The following ANAPC5 variants were observed in gnomAD, a reference collection of about 807,000 sequenced individuals.
ANAPC5 encodes anaphase promoting complex subunit 5.
In ANAPC5, 60 loss-of-function variants were observed where a neutral mutation model predicts 91.3. The observed-to-expected ratio is 0.66, with a 90% CI of 0.53 to 0.81. The LOEUF (loss-of-function observed/expected upper bound fraction) is 0.81, where lower values mean the gene tolerates loss of function less well. ANAPC5 is among the 40% of genes least tolerant of loss of function. ANAPC5 has a pLI of 0.00. For synonymous variants in ANAPC5, 340 were observed against 364.1 expected, an observed-to-expected ratio of 0.93 and a Z score of 0.75; for missense variants, 690 against 931.5, an observed-to-expected ratio of 0.74 and a Z score of 3.37.
intron 9 of ANAPC5, among the ~76,000 whole-genome samples, chr12:121,330,009 T>G (rs1555272727): frequency 6.6e-6 from 1 of 152,230 alleles, no homozygotes; most frequent in Non-Finnish European, 1.5e-5. Flanking sequence ...CAAATCTGCC[T>G]GTCAGGTTTA....
At chr12:121,314,373 T>C (rs970571663) in intron 15 of ANAPC5, among the ~76,000 whole-genome samples, 5 of 152,030 alleles carry the variant, frequency 3.3e-5, no homozygotes, top group African/African-American at 1.2e-4. Flanking sequence ...ACTGCACCAC[T>C]GCATTCCAGC....
chr12:121,347,303 G>A, intron 2 of ANAPC5: 1 of 345,016 alleles, frequency 2.9e-6, no homozygotes. Flanking sequence ...ATAAAATTTG[G>A]GGAAAAAAGC....
At position 121,308,621 on chromosome 12, in the gene ANAPC5, G is replaced by A. The variant is rs369366104; in HGVS notation, c.2127C>T (p.Arg709=). Residue 709 remains arginine (R), a synonymous_variant, in exon 17 of 17, where the codon CGC becomes CGT. Coordinates refer to ENST00000261819, the MANE Select transcript of ANAPC5 (RefSeq NM_016237.5). The part of the protein sequence containing the change: ...NYFAKVDCKE[R]IRDVVYFQAR... Reference sequence around the variant, plus strand: ...CCTGGAAGTAAACGACGTCCCTGATGCGCTCTTTGCAGTCAACCTTTGCAA... The same window carrying A: ...CCTGGAAGTAAACGACGTCCCTGATACGCTCTTTGCAGTCAACCTTTGCAA... 23 of 1,614,012 alleles carry A rather than the reference G, an allele frequency of 1.4e-5. No individual in the cohort carries two copies. Among genetic ancestry groups the A allele is most frequent in the Non-Finnish European group, 1.9e-5 (23 of 1,180,006 alleles).
intron 5 of ANAPC5, among the ~76,000 whole-genome samples, chr12:121,339,408 G>A (rs1439977001): frequency 6.6e-6 from 1 of 152,114 alleles, no homozygotes; most frequent in African/African-American, 2.4e-5. Flanking sequence ...CATATTTATT[G>A]TAAATACTTT....
rs1903510852 is a variant in ANAPC5 at position 121,342,821 on chromosome 12, T to C, written c.591-752A>G. 6.6e-6 allele frequency among the ~76,000 whole-genome samples: 1 copy of C among 152,162 alleles called. No individual in the cohort carries two copies. Among genetic ancestry groups the C allele is most frequent in the Non-Finnish European group, 1.5e-5 (1 of 68,036 alleles). On this transcript the variant is annotated intron_variant, in intron 4 of 16. Coordinates refer to ENST00000261819, the MANE Select transcript of ANAPC5 (RefSeq NM_016237.5). The surrounding 1 kb of genome is among the most constrained non-coding windows in gnomAD (Gnocchi z 4.1). ...TTGCAGCGAGCCAAGATCACGCCAC[T>C]GCACTCCAGCCTGGCGGCAGAGCGA...
chr12:121,352,427 C>G (rs782213818), upstream of ANAPC5: 1 of 1,070,908 alleles, frequency 9.3e-7, no homozygotes, highest in Non-Finnish European at 1.4e-6. Context: ...TACATCTCCG[C>G]CCGCCCTCAC....
chr12:121,321,951 T>C (rs1902630175), intron 11 of ANAPC5, among the ~76,000 whole-genome samples: 1 of 146,750 alleles, frequency 6.8e-6, no homozygotes, highest in South Asian at 2.3e-4. Context: ...CTGCAACCTC[T>C]GCCTCCCGCG....
Position 121,318,586 on chromosome 12 carries a change from G to C in ANAPC5, c.1660C>G (p.Gln554Glu), listed in dbSNP as rs1902464440. ...VYRKAVVLQAQNQMSEAHKLL... is the reference protein window; with the variant it reads ...VYRKAVVLQAENQMSEAHKLL... ...TTATGTGCCTCTGACATTTGGTTCTGAGCTTGTAATACAACCGCTTTCCTG... is the reference window on the plus strand; with the variant it reads ...TTATGTGCCTCTGACATTTGGTTCTCAGCTTGTAATACAACCGCTTTCCTG... Residue 554 changes from glutamine (Q) to glutamate (E), a missense_variant, in exon 14 of 17, where the codon CAG becomes GAG. Around this residue, in one of 5 missense-constraint regions of ANAPC5, gnomAD observed 317 missense variants for 438.7 expected, o/e 0.72. Coordinates refer to ENST00000261819, the MANE Select transcript of ANAPC5 (RefSeq NM_016237.5). The C allele has an allele frequency of 3.7e-6, 6 of 1,614,108 alleles. No homozygotes were observed. The highest frequency in any genetic ancestry group is 5.1e-6 in the Non-Finnish European group (6 of 1,180,010).
At chr12:121,339,880 T>G (rs1448376325) in intron 5 of ANAPC5, among the ~76,000 whole-genome samples, 2 of 149,732 alleles carry the variant, frequency 1.3e-5, no homozygotes, top group Non-Finnish European at 3.0e-5. Flanking sequence ...TTTTTTTTTT[T>G]TTTTTTTTTT....
At chr12:121,327,313 G>A in intron 10 of ANAPC5, 82 bp from the exon 11 acceptor site, 2 of 1,549,558 alleles carry the variant, frequency 1.3e-6, no homozygotes, top group South Asian at 1.2e-5. Context: ...TATCTTGAGT[G>A]GAGGCGTAAA....
At chr12:121,349,378 T>C (rs982579705) in intron 1 of ANAPC5, among the ~76,000 whole-genome samples, 50 of 151,946 alleles carry the variant, frequency 3.3e-4, no homozygotes, top group African/African-American at 7.2e-4. Flanking sequence ...CTGAGCAACA[T>C]AGGGAGACTA....
chr12:121,352,693 GT>G (rs1409558543), upstream of ANAPC5, among the ~76,000 whole-genome samples: 1 of 151,520 alleles, frequency 6.6e-6, no homozygotes, highest in African/African-American at 2.4e-5. Context: ...TCCCAAAGTG[GT>G]TTTTTTGTTG....
At chr12:121,352,553 G>T, upstream of ANAPC5, 2 of 527,030 alleles carry the variant, frequency 3.8e-6, no homozygotes, top group Non-Finnish European at 6.7e-6. Flanking sequence ...GTGCGGGGAG[G>T]GGTGCACCAA....
Position 121,308,656 on chromosome 12 carries a change from T to C in ANAPC5, c.2092A>G (p.Lys698Glu). 4 of 1,614,148 alleles carry C rather than the reference T, an allele frequency of 2.5e-6. No individual in the cohort carries two copies. The highest frequency in any genetic ancestry group is 3.3e-4 in the Middle Eastern group (2 of 6,062). The change falls in exon 17 of 17, where the codon AAG (lysine) becomes GAG (glutamate). Residue 698 changes from lysine to glutamate, a missense_variant. Physicochemically the swap from Lys to Glu is moderately conservative, Grantham distance 56. Transcript: ENST00000261819. ...EAAIENLNEAKNYFAKVDCKE... is the reference protein window; with the variant it reads ...EAAIENLNEAENYFAKVDCKE... Reference sequence around the variant, plus strand: ...CAGTCAACCTTTGCAAAATAGTTCTTGGCTTCATTGAGGTTCTCGATGGCA... The same window carrying C: ...CAGTCAACCTTTGCAAAATAGTTCTCGGCTTCATTGAGGTTCTCGATGGCA...
At chr12:121,323,403 C>A (rs1902695802) in intron 11 of ANAPC5, among the ~76,000 whole-genome samples, 1 of 151,930 alleles carries the variant, frequency 6.6e-6, no homozygotes, top group Admixed American at 6.6e-5. Context: ...CAGCTCATTG[C>A]AACCTCTACC....
Position 121,352,098 on chromosome 12 carries a change from T to C in ANAPC5, c.207+36A>G, listed in dbSNP as rs368001928. The C allele has an allele frequency of 2.2e-5, 34 of 1,568,390 alleles. No individual in the cohort carries two copies. In the East Asian group the frequency reaches 4.3e-4, roughly 20 times the overall value. On this transcript the variant is annotated intron_variant, in intron 1 of 16. Transcript: ENST00000261819. Reference sequence around the variant, plus strand: ...CACAGAGCAGATGCTCAGTAAAAGTTTGCTGCACGAGCAGGAGCCAGCGGG... The same window carrying C: ...CACAGAGCAGATGCTCAGTAAAAGTCTGCTGCACGAGCAGGAGCCAGCGGG...
intron 16 of ANAPC5, 107 bp from the exon 17 acceptor site, chr12:121,308,798 T>C (rs963201366): frequency 5.4e-6 from 5 of 933,612 alleles, no homozygotes; most frequent in Non-Finnish European, 8.5e-6. Context: ...AGAAGATTCT[T>C]TTATATTCTC....
rs1363622180 is a variant in ANAPC5 at position 121,352,172 on chromosome 12, G to T, written c.169C>A (p.Arg57=). ...TGEGAVSLME[R]RRLNQLLLPL... Reference sequence around the variant, plus strand: ...AGGAGCAGCTGGTTGAGCCTCCGCCGCTCCATGAGGCTGACGGCGCCCTCG... The same window carrying T: ...AGGAGCAGCTGGTTGAGCCTCCGCCTCTCCATGAGGCTGACGGCGCCCTCG... The change falls in exon 1 of 17, where the codon CGG becomes AGG. Residue 57 remains arginine (R), a synonymous_variant. Coordinates refer to ENST00000261819, the MANE Select transcript of ANAPC5 (RefSeq NM_016237.5). 6.2e-7 allele frequency: 1 copy of T among 1,612,338 alleles called. No homozygotes were observed. The highest frequency in any genetic ancestry group is 8.5e-7 in the Non-Finnish European group (1 of 1,178,810).
intron 6 of ANAPC5, among the ~76,000 whole-genome samples, chr12:121,336,161 T>C (rs1903228662): frequency 6.6e-6 from 1 of 152,232 alleles, no homozygotes; most frequent in Non-Finnish European, 1.5e-5. Context: ...ACTAAGTTAA[T>C]TATTTTCATT....
Sources: allele counts gnomAD v4.1 joint callset (sites outside exome capture counted in the v4.1 genomes callset), GRCh38; gene constraint gnomAD v4.1.1; regional missense constraint gnomAD v4.1.1; non-coding constraint Gnocchi (gnomAD v3.1); transcripts MANE v1.5; gene names NCBI Gene and HGNC (gene_info 2026-07-23, HGNC 2026-07-21).